FAM193A: variants seen among roughly 807,000 people sequenced by gnomAD.
FAM193A encodes the protein protein FAM193A.
FAM193A carries 22 observed loss-of-function variants against 126.5 expected under a neutral mutation model. The observed-to-expected ratio is 0.17, with a 90% CI of 0.12 to 0.25. The LOEUF is 0.25. Ranked by LOEUF, FAM193A falls within the 10% of genes least tolerant of loss-of-function variation. The pLI is 1.00. For missense variants in FAM193A, 1,675 were observed against 1,672.8 expected (o/e 1.00, Z -0.02); for synonymous variants, 761 against 646.8 (o/e 1.18, Z -2.68).
chr4:2,729,315 G>A (rs1037782136), intron 20 of FAM193A, among the ~76,000 whole-genome samples: 4 of 152,052 alleles, frequency 2.6e-5, no homozygotes, highest in African/African-American at 7.2e-5. Context: ...AACACACTAC[G>A]CATGCTCCCT....
At chr4:2,627,127 T>A (rs73207343) in intron 4 of FAM193A, among the ~76,000 whole-genome samples, 48,950 of 150,868 alleles carry the variant, frequency 0.32, 9,446 homozygotes, top group Admixed American at 0.52. Context: ...GAGGTGGCCA[T>A]AATTTTTATT....
chr4:2,636,000 A>ATTTT lies in FAM193A; in HGVS notation c.1039-3725_1039-3722dup, dbSNP rs796940676. 2.1e-3 allele frequency among the ~76,000 whole-genome samples: 300 copies of ATTTT among 144,978 alleles called. 1 individual carries two copies. Among genetic ancestry groups the ATTTT allele is most frequent in the African/African-American group, 6.4e-3 (253 of 39,582 alleles). On this transcript the variant is annotated intron_variant, in intron 5 of 20. Transcript: ENST00000637812. Reference sequence around the variant, plus strand: ...GATAATGTAGTTGGAAAAAGGACGAATTTTTTTTTTTTTGAGACGGAGTCT... The same window carrying ATTTT: ...GATAATGTAGTTGGAAAAAGGACGAATTTTTTTTTTTTTTTTTGAGACGGAGTCT...
chr4:2,685,107 A>G lies in FAM193A; in HGVS notation c.2332-4399A>G, dbSNP rs1042135767. Among the ~76,000 whole-genome samples, 6 of 152,322 alleles carry G rather than the reference A, an allele frequency of 3.9e-5. No homozygotes were observed. The South Asian group carries it at 1.2e-3, about 32-fold the overall frequency. On this transcript the variant is annotated intron_variant, in intron 13 of 20. Transcript: ENST00000637812. ...ACTAAGAAACGGCCTAGAAGTGAAGACAGGGATGTCTCTAAGTCTCCACTG... is the reference window on the plus strand; with the variant it reads ...ACTAAGAAACGGCCTAGAAGTGAAGGCAGGGATGTCTCTAAGTCTCCACTG...
At chr4:2,683,298 T>TG (rs1715365394) in intron 13 of FAM193A, among the ~76,000 whole-genome samples, 1 of 151,620 alleles carries the variant, frequency 6.6e-6, no homozygotes, top group East Asian at 1.9e-4. Context: ...TTTTTTTTTT[T>TG]GTTTTTTGTT....
intron 7 of FAM193A, among the ~76,000 whole-genome samples, chr4:2,648,939 G>A (rs1202111288): frequency 1.3e-5 from 2 of 152,192 alleles, no homozygotes; most frequent in Admixed American, 6.5e-5. Context: ...AACCCTGCAC[G>A]GCAGTCAACA....
At chr4:2,646,512 T>C (rs1014281682) in intron 6 of FAM193A, among the ~76,000 whole-genome samples, 173 bp from the exon 7 acceptor site, 2 of 152,180 alleles carry the variant, frequency 1.3e-5, no homozygotes, top group African/African-American at 4.8e-5. Flanking sequence ...GTGCCTTGCA[T>C]GGGGATCTGT....
At chr4:2,614,018 G>T (rs1277631479) in intron 2 of FAM193A, among the ~76,000 whole-genome samples, 1 of 145,250 alleles carries the variant, frequency 6.9e-6, no homozygotes, top group African/African-American at 2.6e-5. Context: ...CGTGATCCAT[G>T]TGCGTCGGCC....
At chr4:2,587,638 G>A (rs376929881) in intron 1 of FAM193A, among the ~76,000 whole-genome samples, 4 of 152,236 alleles carry the variant, frequency 2.6e-5, no homozygotes, top group South Asian at 2.1e-4. Flanking sequence ...AGGTTGCAGC[G>A]AGCCAAGATC....
intron 20 of FAM193A, among the ~76,000 whole-genome samples, chr4:2,722,160 T>C: frequency 6.6e-6 from 1 of 152,188 alleles, no homozygotes; most frequent in Non-Finnish European, 1.5e-5. Context: ...TTTTGTGACC[T>C]GGGGGTGCTG....
intron 5 of FAM193A, among the ~76,000 whole-genome samples, chr4:2,635,943 T>A (rs1744045909): frequency 1.3e-5 from 2 of 152,184 alleles, no homozygotes; most frequent in African/African-American, 4.8e-5. Context: ...GTTGTCTGGT[T>A]GAAGTTATTG....
chr4:2,729,652 G>A (rs1422858280), intron 20 of FAM193A, among the ~76,000 whole-genome samples: 3 of 152,074 alleles, frequency 2.0e-5, no homozygotes, highest in South Asian at 2.1e-4. Flanking sequence ...ATTCGCCACC[G>A]GCAACTCAGG....
At chr4:2,561,673 G>A (rs113472512) in intron 1 of FAM193A, among the ~76,000 whole-genome samples, 11 of 149,516 alleles carry the variant, frequency 7.4e-5, no homozygotes, top group African/African-American at 2.7e-4. Flanking sequence ...ATTTTTGTAT[G>A]TTTAGTACAG....
chr4:2,613,191 C>G (rs1254510141), intron 2 of FAM193A, among the ~76,000 whole-genome samples: 1 of 152,096 alleles, frequency 6.6e-6, no homozygotes, highest in African/African-American at 2.4e-5. Context: ...TAATCCAGCA[C>G]TTTGGGAGTT....
chr4:2,712,711 C>A (rs1192892367), intron 19 of FAM193A, among the ~76,000 whole-genome samples: 1 of 152,052 alleles, frequency 6.6e-6, no homozygotes, highest in Non-Finnish European at 1.5e-5. Flanking sequence ...GGTCTCAACC[C>A]TGTCATTATT....
At chr4:2,598,180 ACCGCG>A (rs1175532167) in intron 2 of FAM193A, among the ~76,000 whole-genome samples, 1 of 152,200 alleles carries the variant, frequency 6.6e-6, no homozygotes, top group Non-Finnish European at 1.5e-5. Context: ...GGCATGAGCC[ACCGCG>A]CCTGGCCTGA....
chr4:2,544,547 C>CA (rs201919377), intron 1 of FAM193A, among the ~76,000 whole-genome samples: 2,646 of 152,018 alleles, frequency 0.017, 60 homozygotes, highest in African/African-American at 0.051. Context: ...ACTAAAAATA[C>CA]AAAAAAATTA....
intron 13 of FAM193A, among the ~76,000 whole-genome samples, chr4:2,679,545 A>T (rs1362805478): frequency 1.4e-4 from 21 of 151,538 alleles, no homozygotes; most frequent in Non-Finnish European, 8.8e-5. Context: ...AGGCCCGGCT[A>T]ATTTTGTATT....
At chr4:2,707,946 T>C (rs1718494704) in intron 19 of FAM193A, among the ~76,000 whole-genome samples, 2 of 152,060 alleles carry the variant, frequency 1.3e-5, no homozygotes, top group South Asian at 2.1e-4. Flanking sequence ...GACCAGGTTT[T>C]ACTATGTTGG....
chr4:2,731,832 T>C lies in FAM193A; in HGVS notation c.4512T>C (p.Asn1504=), dbSNP rs2109456181. Residue 1504 remains asparagine (N), a synonymous_variant, in exon 21 of 21, where the codon AAT becomes AAC. Coordinates refer to ENST00000637812, the MANE Select transcript of FAM193A (RefSeq NM_001366318.2). ...TRQRLSINWS[N]FSLKKATFAA... Reference sequence around the variant, plus strand: ...AAAGACTGTCTATCAACTGGTCCAATTTTAGCTTGAAAAAAGCCACCTTTG... The same window carrying C: ...AAAGACTGTCTATCAACTGGTCCAACTTTAGCTTGAAAAAAGCCACCTTTG... 1.9e-6 allele frequency: 3 copies of C among 1,613,216 alleles called. No individual in the cohort carries two copies. The highest frequency in any genetic ancestry group is 2.5e-6 in the Non-Finnish European group (3 of 1,179,348).
Sources: gnomAD v4.1 joint callset for allele counts (sites outside exome capture counted in the v4.1 genomes callset) on GRCh38, gnomAD v4.1.1 for gene constraint, MANE v1.5 for transcripts, NCBI Gene and HGNC (gene_info 2026-07-23, HGNC 2026-07-21) for gene names.